The following NSUN7 variants were observed in gnomAD, a reference collection of about 807,000 sequenced individuals.
NSUN7 encodes the protein protein NSUN7.
In NSUN7, 39 loss-of-function variants were observed where a neutral mutation model predicts 58.5. The observed-to-expected ratio is 0.67, with a 90% CI of 0.52 to 0.87. The LOEUF (loss-of-function observed/expected upper bound fraction) is 0.87, where lower values mean the gene tolerates loss of function less well. Ranked by LOEUF, NSUN7 falls within the 40% of genes least tolerant of loss-of-function variation. NSUN7 has a pLI of 0.00. For synonymous variants in NSUN7, 278 were observed against 303.7 expected (o/e 0.92, Z 0.88); for missense variants, 765 against 844.1 (o/e 0.91, Z 1.16).
At chr4:40,796,097 G>T (rs1417962557) in intron 9 of NSUN7, among the ~76,000 whole-genome samples, 1 of 152,124 alleles carries the variant, frequency 6.6e-6, no homozygotes, top group African/African-American at 2.4e-5. Flanking sequence ...GCCAGGCGTG[G>T]TGGCTCATGC....
intron 9 of NSUN7, among the ~76,000 whole-genome samples, chr4:40,794,857 C>G (rs1743249752): frequency 6.6e-6 from 1 of 152,166 alleles, no homozygotes; most frequent in East Asian, 1.9e-4. Context: ...AAATTTTAGT[C>G]AAACTCTTAT....
intron 9 of NSUN7, among the ~76,000 whole-genome samples, chr4:40,796,637 A>C (rs1743335931): frequency 2.6e-5 from 4 of 152,130 alleles, no homozygotes; most frequent in African/African-American, 9.7e-5. Flanking sequence ...CTATTAAAAA[A>C]ATACAAATAA....
rs754025869 is a variant in NSUN7, at chr4:40,750,971, T to G, written c.278T>G (p.Leu93Arg). The change falls in exon 2 of 12, where the codon CTG (leucine) becomes CGG (arginine). Residue 93 changes from leucine to arginine, a missense_variant. Coordinates refer to ENST00000381782, the MANE Select transcript of NSUN7 (RefSeq NM_024677.6). ...TCCTTTCAGCGTTTGTCTTATGAGC[T>G]GGCTTTCAGTGCCCTGAAATGTGAG... ...DQSFQRLSYE[L>R]AFSALKYQDI... 3 of 1,613,914 alleles carry G rather than the reference T, an allele frequency of 1.9e-6. No individual in the cohort carries two copies. The Admixed American group carries it at 5.0e-5, about 27-fold the overall frequency.
intron 10 of NSUN7, among the ~76,000 whole-genome samples, chr4:40,801,165 C>A (rs1008358854): frequency 6.6e-6 from 1 of 152,138 alleles, no homozygotes; most frequent in East Asian, 1.9e-4. Context: ...GGCCACATTC[C>A]TGAGTTGTCC....
chr4:40,788,942 A>C (rs972248066), intron 7 of NSUN7, among the ~76,000 whole-genome samples: 3 of 152,246 alleles, frequency 2.0e-5, no homozygotes, highest in African/African-American at 4.8e-5. Context: ...CCTACTTAAC[A>C]CAAGAGAATA....
chr4:40,761,854 A>C (rs1326325408), intron 4 of NSUN7, among the ~76,000 whole-genome samples: 2 of 152,254 alleles, frequency 1.3e-5, no homozygotes, highest in African/African-American at 2.4e-5. Context: ...TAATGCATGT[A>C]AAATGCTCAG....
chr4:40,776,446 G>T, intron 7 of NSUN7, 187 bp downstream of exon 7: 1 of 447,288 alleles, frequency 2.2e-6, no homozygotes, highest in Non-Finnish European at 3.9e-6. Context: ...ACAACTGTGG[G>T]TTAAATTAAT....
At chr4:40,779,926 T>A (rs1742444441) in intron 7 of NSUN7, among the ~76,000 whole-genome samples, 1 of 152,054 alleles carries the variant, frequency 6.6e-6, no homozygotes, top group Non-Finnish European at 1.5e-5. Context: ...AAATAATGTA[T>A]AATGAATAGT....
intron 9 of NSUN7, among the ~76,000 whole-genome samples, chr4:40,795,310 G>A (rs901003142): frequency 3.4e-4 from 52 of 152,222 alleles, no homozygotes; most frequent in African/African-American, 1.2e-3. Context: ...CTTGCCAGGA[G>A]TAAAAGCAAA....
intron 8 of NSUN7, 30 bp downstream of exon 8, chr4:40,790,775 A>AT (rs760779714): frequency 6.9e-7 from 1 of 1,455,334 alleles, no homozygotes; most frequent in Non-Finnish European, 9.4e-7. Context: ...AATTATTGAA[A>AT]TTAGTTGACA....
At chr4:40,801,688 A>G (rs1319373518) in intron 10 of NSUN7, among the ~76,000 whole-genome samples, 1 of 152,126 alleles carries the variant, frequency 6.6e-6, no homozygotes, top group Non-Finnish European at 1.5e-5. Context: ...ATTTGAGCTC[A>G]GGTTTTCAAG....
At chr4:40,751,846 A>G (rs1180891709) in intron 2 of NSUN7, among the ~76,000 whole-genome samples, 1 of 152,174 alleles carries the variant, frequency 6.6e-6, no homozygotes, top group African/African-American at 2.4e-5. Context: ...AAATTTAAAA[A>G]TTAGCCCAGT....
chr4:40,780,952 T>C (rs1215014212), intron 7 of NSUN7, among the ~76,000 whole-genome samples: 3 of 150,798 alleles, frequency 2.0e-5, no homozygotes, highest in Non-Finnish European at 4.4e-5. Context: ...CCCAAGTAGC[T>C]GGGACTCGTG....
intron 10 of NSUN7, among the ~76,000 whole-genome samples, chr4:40,803,694 T>G (rs1002455093): frequency 4.6e-5 from 7 of 152,230 alleles, no homozygotes; most frequent in African/African-American, 1.4e-4. Context: ...CTTAAAATAT[T>G]AATACATTCA....
intron 9 of NSUN7, among the ~76,000 whole-genome samples, chr4:40,798,528 G>T (rs963757071): frequency 6.6e-6 from 1 of 152,142 alleles, no homozygotes; most frequent in Admixed American, 6.6e-5. Context: ...ATTTATTTGT[G>T]TTTATAACTA....
At chr4:40,801,186 A>G (rs62302858) in intron 10 of NSUN7, among the ~76,000 whole-genome samples, 20,369 of 152,152 alleles carry the variant, frequency 0.13, 1,442 homozygotes, top group Non-Finnish European at 0.16. Flanking sequence ...CTTTGTTGGC[A>G]TCCTGGAGAT....
At chr4:40,751,458 C>G (rs181346866) in intron 2 of NSUN7, among the ~76,000 whole-genome samples, 6 of 152,138 alleles carry the variant, frequency 3.9e-5, no homozygotes, top group Admixed American at 3.9e-4. Flanking sequence ...CTGTGTTTAC[C>G]TTTTTTGGTA....
chr4:40,753,971 A>T (rs1472677998), intron 2 of NSUN7, among the ~76,000 whole-genome samples: 1 of 152,078 alleles, frequency 6.6e-6, no homozygotes, highest in Non-Finnish European at 1.5e-5. Flanking sequence ...AAGTCCATTA[A>T]ACCTCTGTCT....
rs1318566256 is a variant in NSUN7, at chr4:40,761,383, G to A, written c.488+82G>A. 5.7e-6 allele frequency: 6 copies of A among 1,055,900 alleles called. No homozygotes were observed. The East Asian group carries it at 1.3e-4, about 23-fold the overall frequency. 65.4% of individuals were successfully genotyped at this position (1,055,900 alleles called of 1,614,324 possible). A position where few individuals can be genotyped will look rare whatever the true frequency, so the allele number is the denominator to read the frequency against. ...GGTAAAATTACATACAGTATAATGT[G>A]TAGATAAGAGTTAAATTTTATAGGG... On this transcript the variant is annotated intron_variant, in intron 4 of 11. Coordinates refer to ENST00000381782, the MANE Select transcript of NSUN7 (RefSeq NM_024677.6).
Sources: allele counts gnomAD v4.1 joint callset (sites outside exome capture counted in the v4.1 genomes callset), GRCh38; gene constraint gnomAD v4.1.1; transcripts MANE v1.5; gene names NCBI Gene and HGNC (gene_info 2026-07-23, HGNC 2026-07-21).